Variants in KLHDC10 observed in about 807,000 individuals in gnomAD.
The protein encoded by KLHDC10 is kelch domain containing 10.
Under a neutral mutation model 56.1 loss-of-function variants are expected in KLHDC10, and 24 were observed. The ratio of observed to expected loss-of-function variants is 0.43; its 90% CI spans 0.31 to 0.60. KLHDC10 has a LOEUF of 0.60. KLHDC10 is among the 20% of genes least tolerant of loss of function. KLHDC10 has a pLI of 0.11. For missense variants in KLHDC10, 349 were observed against 567.0 expected, an observed-to-expected ratio of 0.62 and a Z score of 3.91; for synonymous variants, 188 against 207.1, an observed-to-expected ratio of 0.91 and a Z score of 0.79.
chr7:130,099,450 A>G (rs1795900072), intron 2 of KLHDC10, among the ~76,000 whole-genome samples: 1 of 152,184 alleles, frequency 6.6e-6, no homozygotes, highest in Non-Finnish European at 1.5e-5. Context: ...GTAGCATGCT[A>G]TGGGAGCACA....
intron 1 of KLHDC10, among the ~76,000 whole-genome samples, chr7:130,081,134 G>A (rs1164519092): frequency 6.7e-6 from 1 of 150,034 alleles, no homozygotes; most frequent in Non-Finnish European, 1.5e-5. Flanking sequence ...GAGTAGCTGG[G>A]AATATAGGCG....
At chr7:130,111,482 T>G (rs1285075728) in intron 2 of KLHDC10, among the ~76,000 whole-genome samples, 4 of 152,002 alleles carry the variant, frequency 2.6e-5, no homozygotes, top group African/African-American at 9.7e-5. Context: ...GGCAGGAGGA[T>G]CATTTGAGCT....
rs1796174675 is a variant in KLHDC10 at position 130,116,791 on chromosome 7, C to G, written c.475+125C>G. On this transcript the variant is annotated intron_variant, in intron 3 of 9. Coordinates refer to ENST00000335420, the MANE Select transcript of KLHDC10 (RefSeq NM_014997.4). This position sits in a 1 kb window ranked among gnomAD's most constrained non-coding sequence, Gnocchi z 4.8. The stretch of plus-strand genomic sequence containing the variant: ...TGATTTCGCCCTGTGGGTGGATAGG[C>G]TTTTTACTAGGGTAATAACAGTATG... The G allele has an allele frequency of 6.4e-5, 49 of 760,502 alleles. 3 individuals carry two copies. In the South Asian group the frequency reaches 8.2e-4, roughly 13 times the overall value. 47.1% of individuals were successfully genotyped at this position (760,502 alleles called of 1,614,324 possible).
At chr7:130,100,697 A>G (rs1795917663) in intron 2 of KLHDC10, among the ~76,000 whole-genome samples, 1 of 152,194 alleles carries the variant, frequency 6.6e-6, no homozygotes, top group Non-Finnish European at 1.5e-5. Flanking sequence ...CTTTTGAAAT[A>G]GCCACTTTGA....
At chr7:130,073,412 CA>C (rs1682200705) in intron 1 of KLHDC10, among the ~76,000 whole-genome samples, 1 of 151,194 alleles carries the variant, frequency 6.6e-6, no homozygotes, top group African/African-American at 2.4e-5. Flanking sequence ...TCTCCTGTCT[CA>C]GTCTGCCAAG....
chr7:130,096,688 G>A (rs1271380601), intron 1 of KLHDC10, among the ~76,000 whole-genome samples: 1 of 152,060 alleles, frequency 6.6e-6, no homozygotes, highest in Non-Finnish European at 1.5e-5. Context: ...TCCCAAAAAC[G>A]GTGCACAAAA....
chr7:130,070,552 C>A lies in KLHDC10; in HGVS notation c.-92C>A. ...GGGCGCTGCCCCCTTCCCCTGTCTC[C>A]TGGGTCTCTGGAGGAGCCCAGGAAG... On this transcript the variant is annotated 5_prime_UTR_variant, in exon 1 of 10. It adds an upstream start codon to the 5' untranslated region. Coordinates refer to ENST00000335420, the MANE Select transcript of KLHDC10 (RefSeq NM_014997.4). 2 of 1,203,092 alleles carry A rather than the reference C, an allele frequency of 1.7e-6. No homozygotes were observed. The highest frequency in any genetic ancestry group is 2.1e-6 in the Non-Finnish European group (2 of 951,940). 74.5% of individuals were successfully genotyped at this position (1,203,092 alleles called of 1,614,324 possible).
chr7:130,087,088 A>G (rs1795702047), intron 1 of KLHDC10, among the ~76,000 whole-genome samples: 1 of 152,358 alleles, frequency 6.6e-6, no homozygotes, highest in Non-Finnish European at 1.5e-5. Flanking sequence ...ACATACAGCT[A>G]GCAAGGGACA....
intron 8 of KLHDC10, among the ~76,000 whole-genome samples, 161 bp from the exon 9 acceptor site, chr7:130,129,276 C>T (rs1796363923): frequency 6.6e-6 from 1 of 152,170 alleles, no homozygotes; most frequent in Admixed American, 6.5e-5. Flanking sequence ...TGTTGAGGGA[C>T]AAGACAACAG....
intron 1 of KLHDC10, among the ~76,000 whole-genome samples, chr7:130,072,747 AATTT>A (rs77300024): frequency 1.3e-5 from 2 of 148,508 alleles, no homozygotes; most frequent in South Asian, 2.1e-4. Flanking sequence ...TTTTATTTTA[AATTT>A]ATTTATTTAT....
intron 1 of KLHDC10, among the ~76,000 whole-genome samples, chr7:130,079,207 G>A (rs1430169039): frequency 1.3e-5 from 2 of 151,846 alleles, no homozygotes; most frequent in East Asian, 1.9e-4. Context: ...ACAGGTGCCC[G>A]CCACAACGTC....
At chr7:130,073,542 C>T (rs555378369) in intron 1 of KLHDC10, among the ~76,000 whole-genome samples, 28 of 151,646 alleles carry the variant, frequency 1.8e-4, no homozygotes, top group South Asian at 6.3e-4. Context: ...GTGATCCTTC[C>T]GCCTCAGCCT....
chr7:130,121,910 C>A (rs1796252767), intron 4 of KLHDC10, 144 bp from the exon 5 acceptor site: 2 of 643,454 alleles, frequency 3.1e-6, no homozygotes, highest in Admixed American at 3.6e-5. Flanking sequence ...TCTCTAAAAT[C>A]TTTATTCTTT....
At chr7:130,128,889 A>AAAAAAAAATATAT in intron 8 of KLHDC10, among the ~76,000 whole-genome samples, 8 of 66,954 alleles carry the variant, frequency 1.2e-4, no homozygotes, top group African/African-American at 2.9e-4. Flanking sequence ...AAAAAAAAAA[A>AAAAAAAAATATAT]ATATATATAT....
At chr7:130,085,913 A>G (rs1162683145) in intron 1 of KLHDC10, among the ~76,000 whole-genome samples, 1 of 152,034 alleles carries the variant, frequency 6.6e-6, no homozygotes, top group Non-Finnish European at 1.5e-5. Flanking sequence ...GTACAGTACT[A>G]TAAGTAATCT....
chr7:130,082,427 CT>C (rs1454790538), intron 1 of KLHDC10, among the ~76,000 whole-genome samples: 1 of 152,148 alleles, frequency 6.6e-6, no homozygotes, highest in Non-Finnish European at 1.5e-5. Context: ...CCTTTTAGTT[CT>C]TTATCAAGTG....
intron 2 of KLHDC10, among the ~76,000 whole-genome samples, chr7:130,106,131 A>G (rs1290148328): frequency 6.6e-6 from 1 of 151,856 alleles, no homozygotes; most frequent in Non-Finnish European, 1.5e-5. Context: ...GGGCAACAAG[A>G]GCAAAACTCC....
At chr7:130,082,860 A>G (rs1003067143) in intron 1 of KLHDC10, among the ~76,000 whole-genome samples, 42 of 152,244 alleles carry the variant, frequency 2.8e-4, no homozygotes, top group Middle Eastern at 3.4e-3. Flanking sequence ...CCTATGCTAG[A>G]CCCTAGAAAT....
At chr7:130,079,179 T>C (rs988571230) in intron 1 of KLHDC10, among the ~76,000 whole-genome samples, 2 of 151,872 alleles carry the variant, frequency 1.3e-5, no homozygotes, top group Non-Finnish European at 2.9e-5. Context: ...TGGCTCAGCC[T>C]CCCGGGTAGC....
Sources: gnomAD v4.1 joint callset for allele counts (sites outside exome capture counted in the v4.1 genomes callset) on GRCh38, gnomAD v4.1.1 for gene constraint, Gnocchi (gnomAD v3.1) non-coding constraint, MANE v1.5 for transcripts, NCBI Gene and HGNC (gene_info 2026-07-23, HGNC 2026-07-21) for gene names.